GRM5: variants seen among roughly 807,000 people sequenced by gnomAD.
GRM5 encodes the protein metabotropic glutamate receptor 5.
GRM5 carries 19 observed loss-of-function variants against 83.1 expected under a neutral mutation model. That is an observed-to-expected ratio of 0.23 (90% CI 0.16 to 0.34). GRM5 has a LOEUF of 0.34. GRM5 is among the 10% of genes least tolerant of loss of function. The probability of loss-of-function intolerance (pLI) is 1.00; values close to 1 mark genes in which losing one functional copy is unlikely to be tolerated. For synonymous variants in GRM5, 675 were observed against 633.6 expected, an observed-to-expected ratio of 1.07 and a Z score of -0.98; for missense variants, 1,160 against 1,588.3, an observed-to-expected ratio of 0.73 and a Z score of 4.58.
At chr11:88,901,257 A>G (rs1945310887) in intron 2 of GRM5, among the ~76,000 whole-genome samples, 1 of 152,108 alleles carries the variant, frequency 6.6e-6, no homozygotes, top group Non-Finnish European at 1.5e-5. Flanking sequence ...AATCATAGCT[A>G]ATATCTATTG....
At chr11:88,952,317 A>G (rs1307540113) in intron 2 of GRM5, among the ~76,000 whole-genome samples, 1 of 152,200 alleles carries the variant, frequency 6.6e-6, no homozygotes, top group African/African-American at 2.4e-5. Context: ...GTGCCCATAT[A>G]GCTCTCTGAA....
intron 2 of GRM5, among the ~76,000 whole-genome samples, chr11:88,931,550 C>T (rs1937706535): frequency 1.3e-5 from 2 of 151,890 alleles, no homozygotes; most frequent in South Asian, 4.1e-4. Context: ...AAGAAGAAAC[C>T]AAAAGCAGGG....
intron 2 of GRM5, among the ~76,000 whole-genome samples, chr11:89,034,953 T>C (rs1266279736): frequency 6.6e-6 from 1 of 151,020 alleles, no homozygotes; most frequent in African/African-American, 2.4e-5. Flanking sequence ...ATTTTTAGCA[T>C]ATGTATTTTA....
At chr11:88,838,741 C>G (rs1003615997) in intron 3 of GRM5, among the ~76,000 whole-genome samples, 3 of 152,078 alleles carry the variant, frequency 2.0e-5, no homozygotes, top group Admixed American at 6.5e-5. Flanking sequence ...TTTCTCTCCT[C>G]ATTGTTTATA....
intron 2 of GRM5, among the ~76,000 whole-genome samples, chr11:88,861,764 T>C (rs559812114): frequency 1.3e-5 from 2 of 152,224 alleles, no homozygotes; most frequent in African/African-American, 4.8e-5. Context: ...ATTACAGGCA[T>C]GAGCTACCAC....
chr11:88,682,763 A>G (rs1940526615), intron 3 of GRM5, among the ~76,000 whole-genome samples: 1 of 152,148 alleles, frequency 6.6e-6, no homozygotes, highest in South Asian at 2.1e-4. Context: ...TTACCTGTGC[A>G]TGCTACAGCT....
intron 2 of GRM5, among the ~76,000 whole-genome samples, chr11:88,919,883 A>T (rs1945658944): frequency 6.6e-6 from 1 of 152,080 alleles, no homozygotes; most frequent in Admixed American, 6.6e-5. Flanking sequence ...CCCAAAATCT[A>T]TGGGATACAG....
At chr11:89,002,969 T>A (rs1266433793) in intron 2 of GRM5, among the ~76,000 whole-genome samples, 2 of 148,292 alleles carry the variant, frequency 1.3e-5, no homozygotes, top group Non-Finnish European at 3.0e-5. Flanking sequence ...CTTTTCTTAG[T>A]GTCCATCTTT....
intron 3 of GRM5, among the ~76,000 whole-genome samples, chr11:88,690,172 A>G (rs1158830182): frequency 6.6e-6 from 1 of 152,244 alleles, no homozygotes; most frequent in African/African-American, 2.4e-5. Context: ...CTGAGCATAT[A>G]TAACAGAGGC....
At chr11:88,593,134 T>C (rs1266502741) in intron 6 of GRM5, among the ~76,000 whole-genome samples, 1 of 152,164 alleles carries the variant, frequency 6.6e-6, no homozygotes, top group Non-Finnish European at 1.5e-5. Flanking sequence ...GTGCTTTCTT[T>C]ATGAATAACA....
intron 2 of GRM5, among the ~76,000 whole-genome samples, chr11:89,030,349 G>A (rs1941233353): frequency 6.6e-6 from 1 of 151,950 alleles, no homozygotes; most frequent in Non-Finnish European, 1.5e-5. Context: ...GAGCTTTGTG[G>A]TAATCTCAAA....
chr11:88,777,600 G>A (rs1942884201), intron 3 of GRM5, among the ~76,000 whole-genome samples: 1 of 152,200 alleles, frequency 6.6e-6, no homozygotes, highest in Admixed American at 6.5e-5. Context: ...TGATGTTGGT[G>A]ACCTACAGAT....
chr11:89,042,852 A>C (rs960138726), intron 2 of GRM5, among the ~76,000 whole-genome samples: 1 of 152,176 alleles, frequency 6.6e-6, no homozygotes, highest in Non-Finnish European at 1.5e-5. Flanking sequence ...CTGAAATTGC[A>C]ATCTCTAGGT....
intron 2 of GRM5, among the ~76,000 whole-genome samples, chr11:88,850,715 C>T (rs948431076): frequency 3.3e-5 from 5 of 151,504 alleles, no homozygotes; most frequent in African/African-American, 1.2e-4. Context: ...GAGATCCTTG[C>T]TTAAGATTTA....
At chr11:88,670,859 G>A (rs183622114) in intron 3 of GRM5, among the ~76,000 whole-genome samples, 2 of 152,102 alleles carry the variant, frequency 1.3e-5, no homozygotes, top group Non-Finnish European at 2.9e-5. Flanking sequence ...AAGAGCATAG[G>A]TTGGTACAAC....
chr11:88,977,550 G>A (rs998854132), intron 2 of GRM5, among the ~76,000 whole-genome samples: 9 of 152,156 alleles, frequency 5.9e-5, no homozygotes, highest in African/African-American at 1.2e-4. Flanking sequence ...CATTCGGAAC[G>A]CAGAAATTTA....
At chr11:88,821,437 C>G (rs533748208) in intron 3 of GRM5, among the ~76,000 whole-genome samples, 3 of 151,228 alleles carry the variant, frequency 2.0e-5, no homozygotes, top group Non-Finnish European at 2.9e-5. Context: ...TATTTCCAGA[C>G]CATCCCCAGA....
chr11:89,014,505 G>A (rs1940799586), intron 2 of GRM5, among the ~76,000 whole-genome samples: 1 of 152,016 alleles, frequency 6.6e-6, no homozygotes, highest in Admixed American at 6.6e-5. Context: ...GTAGAAAAAT[G>A]GTTACCAGAG....
chr11:89,019,967 A>T (rs780539450), intron 2 of GRM5, among the ~76,000 whole-genome samples: 28 of 152,316 alleles, frequency 1.8e-4, no homozygotes, highest in Non-Finnish European at 3.8e-4. Context: ...CTGCAGCTGC[A>T]GCAACCATTA....
Sources: allele counts gnomAD v4.1 joint callset (sites outside exome capture counted in the v4.1 genomes callset), GRCh38; gene constraint gnomAD v4.1.1; transcripts MANE v1.5; gene names NCBI Gene and HGNC (gene_info 2026-07-23, HGNC 2026-07-21).